Variants in ABCB5 observed in about 807,000 individuals in gnomAD.
ABCB5 encodes the protein ATP binding cassette subfamily B member 5, also known as ATP-binding cassette sub-family B member 5.
A neutral mutation model predicts 144.2 loss-of-function variants in ABCB5; 155 were observed. That is an observed-to-expected ratio of 1.08 (90% CI 0.94 to 1.23). ABCB5 has a LOEUF of 1.23. Among genes scored for constraint, ABCB5 ranks in the 50% most tolerant of loss-of-function variants. The pLI is 0.00. For missense variants in ABCB5, 1,830 were observed against 1,520.8 expected (o/e 1.20, Z -3.38); for synonymous variants, 610 against 528.6 (o/e 1.15, Z -2.11).
chr7:20,752,536 A>C (rs1467356953), intron 26 of ABCB5, among the ~76,000 whole-genome samples: 3 of 152,184 alleles, frequency 2.0e-5, no homozygotes, highest in Non-Finnish European at 4.4e-5. Context: ...TGGCCTGAAA[A>C]GGTGAATAGA....
rs869149519 is a variant in ABCB5, at chr7:20,731,355, G to GAAA, written c.2867+2913_2867+2915dup. ...GCAACAGAGCAAGACTCCAACTCAG[G>GAAA]AAAAAAAAAAAAAAATATATATATA... is the stretch of plus-strand genomic sequence containing the variant. On this transcript the variant is annotated intron_variant, in intron 23 of 27. Transcript: ENST00000404938. Among the ~76,000 whole-genome samples the GAAA allele has an allele frequency of 6.6e-3, 840 of 127,828 alleles. 15 individuals carry two copies. The highest frequency in any genetic ancestry group is 0.023 in the African/African-American group (742 of 32,928). 83.9% of individuals were successfully genotyped at this position (127,828 alleles called of 152,430 possible). A position where few individuals can be genotyped will look rare whatever the true frequency, so the allele number is the denominator to read the frequency against.
chr7:20,625,387 T>A (rs920756300), intron 2 of ABCB5, among the ~76,000 whole-genome samples: 1 of 151,622 alleles, frequency 6.6e-6, no homozygotes, highest in Admixed American at 6.6e-5. Flanking sequence ...CGCGTGCATG[T>A]GTGTGTGTGT....
chr7:20,664,093 G>GA (rs990975237), intron 14 of ABCB5, among the ~76,000 whole-genome samples: 9 of 151,094 alleles, frequency 6.0e-5, no homozygotes, highest in Admixed American at 1.3e-4. Context: ...AAAGAACAGT[G>GA]AAAAAAAATT....
chr7:20,674,158 A>C lies in ABCB5; in HGVS notation c.1708-7347A>C, dbSNP rs575069911. On this transcript the variant is annotated intron_variant, in intron 14 of 27. Coordinates refer to ENST00000404938, the MANE Select transcript of ABCB5 (RefSeq NM_001163941.2). ...TTTTAAAATTAATCATTAGTTTTTA[A>C]AAAAATTTAAATAGGTAATAAGAAA... 7.9e-5 allele frequency among the ~76,000 whole-genome samples: 12 copies of C among 152,066 alleles called. No homozygotes were observed. The South Asian group carries it at 2.3e-3, about 29-fold the overall frequency.
chr7:20,677,249 G>A (rs1253261140), intron 14 of ABCB5, among the ~76,000 whole-genome samples: 1 of 152,150 alleles, frequency 6.6e-6, no homozygotes, highest in Non-Finnish European at 1.5e-5. Context: ...TATACTTTTA[G>A]AAAAGAGCTC....
At chr7:20,670,548 A>C (rs1036834189) in intron 14 of ABCB5, among the ~76,000 whole-genome samples, 1 of 152,224 alleles carries the variant, frequency 6.6e-6, no homozygotes, top group African/African-American at 2.4e-5. Flanking sequence ...TATACCATTC[A>C]TAAGGGTGTG....
intron 5 of ABCB5, 28 bp from the exon 6 acceptor site, chr7:20,643,156 G>T (rs763209984): frequency 6.4e-7 from 1 of 1,562,120 alleles, no homozygotes; most frequent in South Asian, 1.1e-5. Context: ...TTGTGCTTCA[G>T]TCTCACATTC....
At chr7:20,673,827 C>T (rs1019665882) in intron 14 of ABCB5, among the ~76,000 whole-genome samples, 2 of 151,724 alleles carry the variant, frequency 1.3e-5, no homozygotes, top group African/African-American at 2.4e-5. Flanking sequence ...TTTTTTGCAT[C>T]GATTCTTGGT....
chr7:20,712,511 T>C (rs549581870), intron 20 of ABCB5, among the ~76,000 whole-genome samples: 18 of 149,748 alleles, frequency 1.2e-4, no homozygotes, highest in African/African-American at 3.9e-4. Flanking sequence ...ATTCTACATA[T>C]ATTAGGCTGC....
chr7:20,641,912 T>G (rs1784304253), intron 5 of ABCB5: 1 of 152,372 alleles, frequency 6.6e-6, no homozygotes, highest in Admixed American at 6.5e-5. Context: ...TTGGTTGTTC[T>G]TGTTCAGGGC....
In ABCB5 at chr7:20,711,890, CTCCTTCCT is replaced by C. The variant is rs1164279919; in HGVS notation, c.2421+7097_2421+7104del. On this transcript the variant is annotated intron_variant, in intron 20 of 27. Transcript: ENST00000404938. ...CCTCCCTCCCTCCCTCCCTCCCTCC[CTCCTTCCT>C]TCCTTCCTTCCTTTCTTTCTCTCTC... Among the ~76,000 whole-genome samples the C allele has an allele frequency of 4.9e-4, 37 of 76,134 alleles. 3 individuals are homozygous for C. The highest frequency in any genetic ancestry group is 1.9e-3 in the African/African-American group (35 of 18,210). The allele number at this position is 76,134 out of a possible 152,430, so 49.9% of individuals were successfully genotyped here.
chr7:20,685,976 A>C, intron 16 of ABCB5, 140 bp downstream of exon 16: 1 of 903,184 alleles, frequency 1.1e-6, no homozygotes. Flanking sequence ...CCCAAATTTC[A>C]CTCTAGCATC....
At chr7:20,681,276 G>T (rs772662790) in intron 14 of ABCB5, among the ~76,000 whole-genome samples, 1 of 151,680 alleles carries the variant, frequency 6.6e-6, no homozygotes, top group South Asian at 2.1e-4. Flanking sequence ...CCAGGTGCCC[G>T]CAACCAAGCC....
chr7:20,688,117 C>T (rs1468760446), intron 16 of ABCB5, among the ~76,000 whole-genome samples: 1 of 151,576 alleles, frequency 6.6e-6, no homozygotes, highest in Non-Finnish European at 1.5e-5. Context: ...TGCTTGAATC[C>T]GGGAGGCAGA....
At chr7:20,651,399 G>C in intron 12 of ABCB5, 21 bp from the exon 13 acceptor site, 1 of 1,613,506 alleles carries the variant, frequency 6.2e-7, no homozygotes, top group Non-Finnish European at 8.5e-7. Context: ...TCACAACATG[G>C]TTCATTCTTT....
At chr7:20,739,679 T>C (rs115624625) in intron 24 of ABCB5, among the ~76,000 whole-genome samples, 517 of 152,274 alleles carry the variant, frequency 3.4e-3, no homozygotes, top group African/African-American at 0.012. Flanking sequence ...GAAACTAAAG[T>C]TTTGATCTTG....
chr7:20,657,855 G>T (rs547855906), intron 13 of ABCB5, among the ~76,000 whole-genome samples: 1 of 152,088 alleles, frequency 6.6e-6, no homozygotes, highest in Admixed American at 6.5e-5. Context: ...ATTTATCTCC[G>T]TGAAGAAATA....
At chr7:20,653,084 C>T (rs1367115346) in intron 13 of ABCB5, among the ~76,000 whole-genome samples, 2 of 152,114 alleles carry the variant, frequency 1.3e-5, no homozygotes, top group East Asian at 3.9e-4. Flanking sequence ...TGATGTTTTG[C>T]CCCTTTCAAT....
At chr7:20,750,351 G>A (rs976099475) in intron 26 of ABCB5, among the ~76,000 whole-genome samples, 12 of 150,186 alleles carry the variant, frequency 8.0e-5, no homozygotes, top group East Asian at 5.9e-4. Context: ...AATAAAACAC[G>A]GAGCAGTGAT....
Sources: gnomAD v4.1 joint callset for allele counts (sites outside exome capture counted in the v4.1 genomes callset) on GRCh38, gnomAD v4.1.1 for gene constraint, MANE v1.5 for transcripts, NCBI Gene and HGNC (gene_info 2026-07-23, HGNC 2026-07-21) for gene names.